MACROD2: variants seen among roughly 807,000 people sequenced by gnomAD.
The protein encoded by MACROD2 is mono-ADP ribosylhydrolase 2, also known as ADP-ribose glycohydrolase MACROD2.
A neutral mutation model predicts 70.4 loss-of-function variants in MACROD2; 36 were observed. The observed-to-expected ratio is 0.51, with a 90% CI of 0.39 to 0.68. MACROD2 has a LOEUF of 0.68. MACROD2 is among the 30% of genes least tolerant of loss of function. MACROD2 has a pLI of 0.00. For synonymous variants in MACROD2, 172 were observed against 178.8 expected, an observed-to-expected ratio of 0.96 and a Z score of 0.30; for missense variants, 496 against 538.4, an observed-to-expected ratio of 0.92 and a Z score of 0.78.
chr20:16,013,593 A>T (rs551720470), intron 15 of MACROD2, among the ~76,000 whole-genome samples: 2 of 152,322 alleles, frequency 1.3e-5, no homozygotes, highest in South Asian at 4.1e-4. Flanking sequence ...TGCCTGCAGC[A>T]CTGTTAAATG....
intron 16 of MACROD2, among the ~76,000 whole-genome samples, chr20:16,043,516 G>T (rs989736328): frequency 1.3e-5 from 2 of 152,052 alleles, no homozygotes; most frequent in African/African-American, 4.8e-5. Flanking sequence ...TAAACCTACT[G>T]ACCCTTGGAA....
At chr20:14,535,257 A>C (rs2085349759) in intron 4 of MACROD2, among the ~76,000 whole-genome samples, 1 of 152,140 alleles carries the variant, frequency 6.6e-6, no homozygotes, top group Non-Finnish European at 1.5e-5. Flanking sequence ...TAATCCCAGC[A>C]CTTTGGGAGG....
chr20:15,848,835 G>A (rs2064264407), intron 8 of MACROD2, among the ~76,000 whole-genome samples: 1 of 152,144 alleles, frequency 6.6e-6, no homozygotes. Context: ...TGATACAGTG[G>A]AGAGATATGA....
At chr20:15,073,623 A>C (rs917486633) in intron 5 of MACROD2, among the ~76,000 whole-genome samples, 1 of 152,298 alleles carries the variant, frequency 6.6e-6, no homozygotes, top group South Asian at 2.1e-4. Flanking sequence ...TGTGTAATCA[A>C]TAGTAACACT....
chr20:15,723,863 C>G (rs1029782634), intron 8 of MACROD2, among the ~76,000 whole-genome samples: 3 of 152,128 alleles, frequency 2.0e-5, no homozygotes, highest in African/African-American at 7.2e-5. Flanking sequence ...AAGAAACTGC[C>G]CAACTGTCTT....
chr20:14,780,960 A>T (rs868407799), intron 5 of MACROD2, among the ~76,000 whole-genome samples: 3 of 152,252 alleles, frequency 2.0e-5, no homozygotes, highest in Middle Eastern at 3.4e-3. Context: ...GCATACAGTG[A>T]TATTTTGATA....
At chr20:15,347,525 G>T (rs545433498) in intron 6 of MACROD2, among the ~76,000 whole-genome samples, 1 of 152,224 alleles carries the variant, frequency 6.6e-6, no homozygotes, top group African/African-American at 2.4e-5. Context: ...TGTACTGAAT[G>T]CTTGACTACA....
chr20:16,049,548 C>T (rs542344764), intron 17 of MACROD2, among the ~76,000 whole-genome samples: 111 of 152,274 alleles, frequency 7.3e-4, no homozygotes, highest in Middle Eastern at 6.8e-3. Flanking sequence ...TTACAGTTTT[C>T]AACGAATACT....
intron 8 of MACROD2, among the ~76,000 whole-genome samples, chr20:15,841,416 GA>G (rs2064169107): frequency 6.6e-6 from 1 of 152,156 alleles, no homozygotes; most frequent in African/African-American, 2.4e-5. Context: ...AGCTGTGCAG[GA>G]AGCATCATGC....
At chr20:14,061,323 A>G (rs960295923) in intron 2 of MACROD2, among the ~76,000 whole-genome samples, 13 of 152,196 alleles carry the variant, frequency 8.5e-5, no homozygotes, top group African/African-American at 3.1e-4. Context: ...GCATGAAAAT[A>G]TGTGAAAAAG....
intron 3 of MACROD2, among the ~76,000 whole-genome samples, chr20:14,468,167 T>A (rs1029988015): frequency 1.3e-5 from 2 of 152,010 alleles, no homozygotes; most frequent in Non-Finnish European, 2.9e-5. Context: ...AATATCCTTT[T>A]TAATTTCCTG....
chr20:15,350,511 A>C (rs1354695619), intron 6 of MACROD2, among the ~76,000 whole-genome samples: 2 of 152,200 alleles, frequency 1.3e-5, no homozygotes, highest in Non-Finnish European at 2.9e-5. Flanking sequence ...TTAATCACAA[A>C]TGCAAATTCG....
rs187674637 is a variant in MACROD2, at chr20:14,275,377, G to T, written c.271+189649G>T. ...ACAAACCTGAGAAAAACAAGCAATG[G>T]GGAAAGGATTCCCTATTTAATAAAT... On this transcript the variant is annotated intron_variant, in intron 3 of 17. Coordinates refer to ENST00000684519, the MANE Select transcript of MACROD2 (RefSeq NM_001351661.2). Among the ~76,000 whole-genome samples, 746 of 152,118 alleles carry T rather than the reference G, an allele frequency of 4.9e-3. 2 individuals are homozygous for T. The highest frequency in any genetic ancestry group is 9.5e-3 in the South Asian group (46 of 4,818).
intron 8 of MACROD2, among the ~76,000 whole-genome samples, chr20:15,741,672 T>C (rs1397316091): frequency 3.3e-5 from 5 of 152,100 alleles, no homozygotes; most frequent in Non-Finnish European, 7.4e-5. Context: ...CTCCAATAGC[T>C]CCTTAATCCC....
chr20:15,854,737 T>G (rs1022960178), intron 8 of MACROD2, among the ~76,000 whole-genome samples: 4 of 152,196 alleles, frequency 2.6e-5, no homozygotes, highest in Non-Finnish European at 5.9e-5. Flanking sequence ...TTTCTTGTTC[T>G]TAATTAATCT....
intron 3 of MACROD2, among the ~76,000 whole-genome samples, chr20:14,401,842 C>T (rs1239412063): frequency 6.6e-6 from 1 of 151,962 alleles, no homozygotes; most frequent in Non-Finnish European, 1.5e-5. Context: ...TTTATTTCCC[C>T]TTCTGCTAGA....
intron 10 of MACROD2, among the ~76,000 whole-genome samples, chr20:15,903,753 A>G (rs2065100813): frequency 6.6e-6 from 1 of 152,228 alleles, no homozygotes; most frequent in South Asian, 2.1e-4. Flanking sequence ...GACGTGCTCT[A>G]ACTTATATTT....
chr20:14,398,114 A>T (rs1351288924), intron 3 of MACROD2, among the ~76,000 whole-genome samples: 1 of 152,044 alleles, frequency 6.6e-6, no homozygotes, highest in Non-Finnish European at 1.5e-5. Context: ...GTCTGTGTGT[A>T]TGTATCAATC....
At chr20:14,348,268 C>CAAAA (rs545110146) in intron 3 of MACROD2, among the ~76,000 whole-genome samples, 6 of 73,998 alleles carry the variant, frequency 8.1e-5, no homozygotes, top group African/African-American at 2.7e-4. Flanking sequence ...GACTCCGTCT[C>CAAAA]AAAAAAAAAA....
Sources: allele counts gnomAD v4.1 joint callset (sites outside exome capture counted in the v4.1 genomes callset), GRCh38; gene constraint gnomAD v4.1.1; transcripts MANE v1.5; gene names NCBI Gene and HGNC (gene_info 2026-07-23, HGNC 2026-07-21).